Variants in TEC observed in about 807,000 individuals in gnomAD.
The protein encoded by TEC is tec protein tyrosine kinase.
TEC carries 72 observed loss-of-function variants against 93.0 expected under a neutral mutation model. The ratio of observed to expected loss-of-function variants is 0.77; its 90% CI spans 0.64 to 0.94. The LOEUF is 0.94. TEC is among the 40% of genes least tolerant of loss of function. TEC has a pLI of 0.00. For synonymous variants in TEC, 249 were observed against 247.7 expected, an observed-to-expected ratio of 1.01 and a Z score of -0.05; for missense variants, 630 against 757.9, an observed-to-expected ratio of 0.83 and a Z score of 1.98.
At chr4:48,240,729 G>T (rs1040269963) in intron 1 of TEC, among the ~76,000 whole-genome samples, 1 of 151,798 alleles carries the variant, frequency 6.6e-6, no homozygotes, top group African/African-American at 2.4e-5. Context: ...AAGCACAGTG[G>T]GCAGTCAGGC....
chr4:48,202,368 C>A (rs1157493222), intron 2 of TEC, among the ~76,000 whole-genome samples: 1 of 151,960 alleles, frequency 6.6e-6, no homozygotes, highest in Non-Finnish European at 1.5e-5. Context: ...GAGTTTGAGA[C>A]CAGCCTAGCC....
chr4:48,258,264 C>T (rs1212218500), intron 1 of TEC, among the ~76,000 whole-genome samples: 1 of 151,924 alleles, frequency 6.6e-6, no homozygotes, highest in African/African-American at 2.4e-5. Flanking sequence ...GCCTCAGCCT[C>T]CCGAGTAGCT....
rs9631556 is a variant in TEC at position 48,166,395 on chromosome 4, A to T, written c.671+1383T>A. 6.0e-3 allele frequency among the ~76,000 whole-genome samples: 918 copies of T among 152,292 alleles called. 12 individuals are homozygous for T. Among genetic ancestry groups the T allele is most frequent in the African/African-American group, 0.021 (888 of 41,554 alleles). ...ATTTATAACTCCTAAATACTTAGAT[A>T]TATGTTATGTGGATTCTCATTTGTA... is the stretch of plus-strand genomic sequence containing the variant. On this transcript the variant is annotated intron_variant, in intron 7 of 17. Coordinates refer to ENST00000381501, the MANE Select transcript of TEC (RefSeq NM_003215.3).
At chr4:48,232,215 G>A (rs989366935) in intron 1 of TEC, among the ~76,000 whole-genome samples, 6 of 151,890 alleles carry the variant, frequency 4.0e-5, no homozygotes, top group African/African-American at 9.7e-5. Context: ...TTTGAACCGG[G>A]GAGGCAGAAG....
chr4:48,171,523 G>T, intron 3 of TEC, 74 bp from the exon 4 acceptor site: 1 of 1,113,122 alleles, frequency 9.0e-7, no homozygotes, highest in African/African-American at 1.6e-5. Context: ...AGAACCCTTG[G>T]TACTACAGAC....
At chr4:48,251,318 T>C (rs1193067691) in intron 1 of TEC, among the ~76,000 whole-genome samples, 4 of 152,134 alleles carry the variant, frequency 2.6e-5, no homozygotes, top group Non-Finnish European at 4.4e-5. Context: ...CTCCATTTTC[T>C]TTCTCCCTCC....
At position 48,234,794 on chromosome 4, in the gene TEC, C is replaced by T. The variant is rs182146768; in HGVS notation, c.-45-6135G>A. Among the ~76,000 whole-genome samples the T allele has an allele frequency of 3.1e-3, 474 of 152,030 alleles. 4 individuals are homozygous for T. The highest frequency in any genetic ancestry group is 0.011 in the African/African-American group (456 of 41,438). On this transcript the variant is annotated intron_variant, in intron 1 of 17. Coordinates refer to ENST00000381501, the MANE Select transcript of TEC (RefSeq NM_003215.3). ...AGTACTTTATGAAAGAGAGCTATTT[C>T]CTCCATGGTAGTAGGAGGAGAAGGA...
chr4:48,145,696 A>G, intron 12 of TEC, 117 bp from the exon 13 acceptor site: 1 of 1,123,906 alleles, frequency 8.9e-7, no homozygotes, highest in Non-Finnish European at 1.3e-6. Context: ...ATAACACTGT[A>G]ATAATTCCTG....
At chr4:48,177,679 C>T (rs1721385313) in intron 2 of TEC, among the ~76,000 whole-genome samples, 1 of 152,178 alleles carries the variant, frequency 6.6e-6, no homozygotes, top group Non-Finnish European at 1.5e-5. Flanking sequence ...TATGGTCTGG[C>T]TCTGTGTCCC....
intron 9 of TEC, chr4:48,153,530 C>T (rs1291416396): frequency 1.3e-5 from 2 of 152,180 alleles, no homozygotes; most frequent in Admixed American, 1.3e-4. Context: ...ACTTGATTAG[C>T]CTTTAACCCA....
At chr4:48,205,529 A>C (rs989450017) in intron 2 of TEC, among the ~76,000 whole-genome samples, 5 of 152,184 alleles carry the variant, frequency 3.3e-5, no homozygotes, top group Admixed American at 6.5e-5. Context: ...AAAATCAAAT[A>C]AAGAGGAGGT....
intron 1 of TEC, among the ~76,000 whole-genome samples, chr4:48,250,433 A>G (rs2109667582): frequency 6.6e-6 from 1 of 152,246 alleles, no homozygotes; most frequent in Non-Finnish European, 1.5e-5. Flanking sequence ...CACCTGTCTG[A>G]ATTCCTGTTC....
intron 17 of TEC, among the ~76,000 whole-genome samples, chr4:48,138,060 C>A (rs1351516592): frequency 6.6e-6 from 1 of 152,206 alleles, no homozygotes; most frequent in African/African-American, 2.4e-5. Context: ...TGTTCTGTAG[C>A]TAAGTGACCC....
At chr4:48,144,572 C>G (rs1165212160) in intron 14 of TEC, among the ~76,000 whole-genome samples, 1 of 152,158 alleles carries the variant, frequency 6.6e-6, no homozygotes, top group Non-Finnish European at 1.5e-5. Flanking sequence ...CTTTTTCTAG[C>G]ATTTTGAGAA....
intron 1 of TEC, among the ~76,000 whole-genome samples, chr4:48,255,661 A>G (rs1259194348): frequency 1.3e-5 from 2 of 152,338 alleles, no homozygotes; most frequent in Non-Finnish European, 2.9e-5. Flanking sequence ...GACCTCAGGT[A>G]AGTAATGTAA....
chr4:48,180,939 T>C (rs1406763567), intron 2 of TEC, among the ~76,000 whole-genome samples: 3 of 152,050 alleles, frequency 2.0e-5, no homozygotes, highest in African/African-American at 7.2e-5. Context: ...ACCAAGTCAG[T>C]GGCAGTAAAG....
chr4:48,163,909 G>A, intron 7 of TEC, 142 bp from the exon 8 acceptor site: 5 of 494,040 alleles, frequency 1.0e-5, no homozygotes, highest in South Asian at 6.3e-5. Context: ...CCAAAATGCA[G>A]TATCTGTAAT....
chr4:48,152,331 A>G (rs754786583), intron 9 of TEC, among the ~76,000 whole-genome samples: 1 of 151,938 alleles, frequency 6.6e-6, no homozygotes, highest in South Asian at 2.1e-4. Flanking sequence ...TCAGCTACTC[A>G]GGAGGCTGAG....
At chr4:48,197,137 AT>A (rs1722326069) in intron 2 of TEC, among the ~76,000 whole-genome samples, 1 of 152,190 alleles carries the variant, frequency 6.6e-6, no homozygotes, top group African/African-American at 2.4e-5. Context: ...GAATATAAAG[AT>A]TAATATATGT....
Sources: gnomAD v4.1 joint callset for allele counts (sites outside exome capture counted in the v4.1 genomes callset) on GRCh38, gnomAD v4.1.1 for gene constraint, MANE v1.5 for transcripts, NCBI Gene and HGNC (gene_info 2026-07-23, HGNC 2026-07-21) for gene names.